The following KCNQ1OT1 variants were observed in gnomAD, a reference collection of about 807,000 sequenced individuals.
KCNQ1OT1 encodes the protein KCNQ1 antisense RNA 2 (non-protein coding).
chr11:2,689,312 A>C (rs1850549566), exon 1 of KCNQ1OT1: 1 of 398,474 alleles, frequency 2.5e-6, no homozygotes, highest in African/African-American at 2.1e-5. Context: ...ACTCAATGCC[A>C]CCTCAGGACT....
At chr11:2,666,879 A>G (rs998621005) in exon 1 of KCNQ1OT1, 1 of 398,572 alleles carries the variant, frequency 2.5e-6, no homozygotes, top group Admixed American at 4.4e-5. Flanking sequence ...AGAACAGATG[A>G]GACCATTTTG....
exon 1 of KCNQ1OT1, chr11:2,686,645 G>C: frequency 2.5e-6 from 1 of 398,684 alleles, no homozygotes; most frequent in Non-Finnish European, 4.4e-6. Flanking sequence ...AGGCTGCACA[G>C]AGCATGGCCG....
At chr11:2,633,478 T>C in exon 1 of KCNQ1OT1, 1 of 398,584 alleles carries the variant, frequency 2.5e-6, no homozygotes, top group Non-Finnish European at 4.4e-6. Flanking sequence ...CCCTTCTGTT[T>C]TCTTCTAGTA....
In KCNQ1OT1 at chr11:2,647,208, T is replaced by G. The variant is rs1849679464; in HGVS notation, n.52787A>C. 2 of 398,426 alleles carry G rather than the reference T, an allele frequency of 5.0e-6. No homozygotes were observed. The highest frequency in any genetic ancestry group is 2.1e-5 in the African/African-American group (1 of 48,632). The allele number at this position is 398,426 out of a possible 1,614,324, so 24.7% of individuals were successfully genotyped here. ...AGAGATTTTGAATTTTATCAGATGC[T>G]TTTTCTGCATCTATTGAGATGATCA... On this transcript the variant is annotated non_coding_transcript_exon_variant, in exon 1 of 1. Coordinates refer to ENST00000597346, the Ensembl canonical transcript of KCNQ1OT1. The surrounding 1 kb of genome is among the most constrained non-coding windows in gnomAD (Gnocchi z 4.0).
At position 2,674,213 on chromosome 11, in the gene KCNQ1OT1, C is replaced by T; in HGVS notation, n.25782G>A. On this transcript the variant is annotated non_coding_transcript_exon_variant, in exon 1 of 1. Transcript: ENST00000597346. This position sits in a 1 kb window ranked among gnomAD's most constrained non-coding sequence, Gnocchi z 5.9. ...AGAGCACAGCCAGTTGTGGGTTTTT[C>T]TTGGGGCCCAGATAGATGTGAGCAG... is the stretch of plus-strand genomic sequence containing the variant. 2.5e-6 allele frequency: 1 copy of T among 398,672 alleles called. No individual in the cohort carries two copies. Among genetic ancestry groups the T allele is most frequent in the Admixed American group, 4.4e-5 (1 of 22,736 alleles). 24.7% of individuals were successfully genotyped at this position (398,672 alleles called of 1,614,324 possible).
chr11:2,626,998 T>C lies in KCNQ1OT1; in HGVS notation n.72997A>G. The C allele has an allele frequency of 5.0e-6, 2 of 398,618 alleles. No individual in the cohort carries two copies. Among genetic ancestry groups the C allele is most frequent in the Non-Finnish European group, 8.8e-6 (2 of 226,056 alleles). 24.7% of individuals were successfully genotyped at this position (398,618 alleles called of 1,614,324 possible). On this transcript the variant is annotated non_coding_transcript_exon_variant, in exon 1 of 1. Coordinates refer to ENST00000597346, the Ensembl canonical transcript of KCNQ1OT1. This position sits in a 1 kb window ranked among gnomAD's most constrained non-coding sequence, Gnocchi z 4.0. ...TTTTATTGGGATTACCTTGGATTTGTAGATTGTTTTGTGTGGTACTGACAC... is the reference window on the plus strand; with the variant it reads ...TTTTATTGGGATTACCTTGGATTTGCAGATTGTTTTGTGTGGTACTGACAC...
At position 2,671,223 on chromosome 11, in the gene KCNQ1OT1, A is replaced by G. The variant is rs2133868604; in HGVS notation, n.28772T>C. ...AAAAGGTAGAGAGACAGAGGTAGAC[A>G]GGAGTCCAGGTCTGACCTCAAAATC... On this transcript the variant is annotated non_coding_transcript_exon_variant, in exon 1 of 1. Coordinates refer to ENST00000597346, the Ensembl canonical transcript of KCNQ1OT1. The surrounding 1 kb of genome is among the most constrained non-coding windows in gnomAD (Gnocchi z 4.7). 2.5e-6 allele frequency: 1 copy of G among 398,680 alleles called. No homozygotes were observed. Among genetic ancestry groups the G allele is most frequent in the South Asian group, 1.3e-4 (1 of 7,862 alleles). 24.7% of individuals were successfully genotyped at this position (398,680 alleles called of 1,614,324 possible). A position where few individuals can be genotyped will look rare whatever the true frequency, so the allele number is the denominator to read the frequency against.
chr11:2,690,591 A>G lies in KCNQ1OT1; in HGVS notation n.9404T>C. 1 of 398,732 alleles carries G rather than the reference A, an allele frequency of 2.5e-6. No individual in the cohort carries two copies. The highest frequency in any genetic ancestry group is 4.4e-6 in the Non-Finnish European group (1 of 226,116). 24.7% of individuals were successfully genotyped at this position (398,732 alleles called of 1,614,324 possible). A position where few individuals can be genotyped will look rare whatever the true frequency, so the allele number is the denominator to read the frequency against. On this transcript the variant is annotated non_coding_transcript_exon_variant, in exon 1 of 1. Transcript: ENST00000597346. The surrounding 1 kb of genome is among the most constrained non-coding windows in gnomAD (Gnocchi z 5.1). ...GATGGGACAGAACCCACCTCCTGGC[A>G]GGGAGTGGGGCACACATATGTGCAT...
exon 1 of KCNQ1OT1, chr11:2,684,975 A>G: frequency 2.5e-6 from 1 of 398,620 alleles, no homozygotes; most frequent in Non-Finnish European, 4.4e-6. Flanking sequence ...ATGGCTTCCA[A>G]TTTTACGGAC....
exon 1 of KCNQ1OT1, chr11:2,672,939 G>A (rs1214510825): frequency 2.5e-6 from 1 of 398,596 alleles, no homozygotes; most frequent in Non-Finnish European, 4.4e-6. Context: ...CCCACCACAG[G>A]TGGCAAGGAA....
exon 1 of KCNQ1OT1, chr11:2,665,388 C>G (rs546682651): frequency 1.5e-5 from 6 of 398,214 alleles, no homozygotes; most frequent in African/African-American, 4.1e-5. Context: ...CCCTGTACCC[C>G]AAGAGCCAGG....
chr11:2,686,776 T>C (rs1850496699), exon 1 of KCNQ1OT1: 1 of 398,540 alleles, frequency 2.5e-6, no homozygotes, highest in Non-Finnish European at 4.4e-6. Context: ...TCCCCTGTGA[T>C]ACACTATGAT....
At position 2,647,207 on chromosome 11, in the gene KCNQ1OT1, C is replaced by A. The variant is rs1217640514; in HGVS notation, n.52788G>T. 1 of 398,132 alleles carries A rather than the reference C, an allele frequency of 2.5e-6. No individual in the cohort carries two copies. Among genetic ancestry groups the A allele is most frequent in the African/African-American group, 2.1e-5 (1 of 48,516 alleles). The allele number at this position is 398,132 out of a possible 1,614,324, so 24.7% of individuals were successfully genotyped here. On this transcript the variant is annotated non_coding_transcript_exon_variant, in exon 1 of 1. Coordinates refer to ENST00000597346, the Ensembl canonical transcript of KCNQ1OT1. The surrounding 1 kb of genome is among the most constrained non-coding windows in gnomAD (Gnocchi z 4.0). ...AAGAGATTTTGAATTTTATCAGATGCTTTTTCTGCATCTATTGAGATGATC... is the reference window on the plus strand; with the variant it reads ...AAGAGATTTTGAATTTTATCAGATGATTTTTCTGCATCTATTGAGATGATC...
exon 1 of KCNQ1OT1, chr11:2,665,171 G>A (rs1026517402): frequency 2.3e-5 from 9 of 398,728 alleles, no homozygotes; most frequent in Admixed American, 1.3e-4. Context: ...AGCTCTGGGC[G>A]GCCAGGACTC....
chr11:2,675,915 C>G (rs1300531113), exon 1 of KCNQ1OT1: 1 of 398,566 alleles, frequency 2.5e-6, no homozygotes, highest in Non-Finnish European at 4.4e-6. Context: ...CTACAAAAAT[C>G]ATACAACAGT....
chr11:2,644,530 T>C (rs1418741593), exon 1 of KCNQ1OT1: 9 of 398,424 alleles, frequency 2.3e-5, no homozygotes, highest in Non-Finnish European at 4.0e-5. Flanking sequence ...AATATTATAT[T>C]GAATTTTTCA....
chr11:2,697,748 A>T, exon 1 of KCNQ1OT1: 1 of 398,600 alleles, frequency 2.5e-6, no homozygotes, highest in Non-Finnish European at 4.4e-6. Context: ...TGTTTAATAC[A>T]TATTATTGGA....
rs1849948416 is a variant in KCNQ1OT1, at chr11:2,661,095, A to G, written n.38900T>C. 3 of 398,548 alleles carry G rather than the reference A, an allele frequency of 7.5e-6. No homozygotes were observed. In the South Asian group the frequency reaches 3.8e-4, roughly 51 times the overall value. The allele number at this position is 398,548 out of a possible 1,614,324, so 24.7% of individuals were successfully genotyped here. A position where few individuals can be genotyped will look rare whatever the true frequency, so the allele number is the denominator to read the frequency against. On this transcript the variant is annotated non_coding_transcript_exon_variant, in exon 1 of 1. Transcript: ENST00000597346. This position sits in a 1 kb window ranked among gnomAD's most constrained non-coding sequence, Gnocchi z 5.9. ...AGTGACATCCCATGTGCATAAAAGC[A>G]ACTCCCACCTGGCATCTGCTGCTCG...
At chr11:2,667,911 C>G (rs1192250039) in exon 1 of KCNQ1OT1, 1 of 398,672 alleles carries the variant, frequency 2.5e-6, no homozygotes, top group African/African-American at 2.1e-5. Context: ...TCTTCAGTCC[C>G]TGGGACCCAT....
Sources: gnomAD v4.1 joint callset for allele counts on GRCh38, gnomAD v4.1.1 for gene constraint, Gnocchi (gnomAD v3.1) non-coding constraint, MANE v1.5 for transcripts, NCBI Gene and HGNC (gene_info 2026-07-23, HGNC 2026-07-21) for gene names.